CREB1: variants seen among roughly 807,000 people sequenced by gnomAD.
CREB1 encodes the protein cyclic AMP-responsive element-binding protein 1.
In CREB1, 2 loss-of-function variants were observed where a neutral mutation model predicts 42.0. The observed-to-expected ratio is 0.05, with a 90% CI of 0.02 to 0.15. The LOEUF is 0.15. Ranked by LOEUF, CREB1 falls within the 10% of genes least tolerant of loss-of-function variation. The probability of loss-of-function intolerance (pLI) is 1.00; values close to 1 mark genes in which losing one functional copy is unlikely to be tolerated. For missense variants in CREB1, 199 were observed against 388.9 expected (o/e 0.51, Z 4.11); for synonymous variants, 123 against 139.9 (o/e 0.88, Z 0.85).
Position 207,605,088 on chromosome 2 carries a change from G to A in CREB1, c.*8030G>A, listed in dbSNP as rs2087866368. Among the ~76,000 whole-genome samples the A allele has an allele frequency of 2.6e-5, 4 of 152,152 alleles. No individual in the cohort carries two copies. ...TTCAATTATTTGGGGTATATGCCTG[G>A]GAGTGGAGTTGCTGGGTCATGTTGA... On this transcript the variant is annotated 3_prime_UTR_variant, in exon 8 of 8. Transcript: ENST00000353267.
chr2:207,548,119 G>A (rs1189182122), intron 1 of CREB1, among the ~76,000 whole-genome samples: 3 of 152,004 alleles, frequency 2.0e-5, no homozygotes, highest in Admixed American at 1.3e-4. Context: ...TTTTAGTAGA[G>A]ACGGGGTTTC....
intron 7 of CREB1, among the ~76,000 whole-genome samples, chr2:207,591,025 A>G (rs980270298): frequency 3.3e-5 from 5 of 152,184 alleles, no homozygotes; most frequent in African/African-American, 9.6e-5. Flanking sequence ...ATAATCGAGG[A>G]TCTTCCCAGG....
chr2:207,570,409 A>G, intron 5 of CREB1, 88 bp downstream of exon 5: 4 of 1,280,246 alleles, frequency 3.1e-6, no homozygotes, highest in Non-Finnish European at 3.2e-6. Context: ...AGAGAAACCA[A>G]TACAAGTGCC....
chr2:207,532,639 C>G (rs906694233), intron 1 of CREB1, among the ~76,000 whole-genome samples: 3 of 151,596 alleles, frequency 2.0e-5, no homozygotes, highest in Non-Finnish European at 4.4e-5. Context: ...CGCCACTGCC[C>G]TCCAGCCTGG....
chr2:207,534,377 C>G (rs1284114119), intron 1 of CREB1, among the ~76,000 whole-genome samples: 2 of 152,214 alleles, frequency 1.3e-5, no homozygotes. Flanking sequence ...GCTGGAACTA[C>G]AGGCATGCAC....
chr2:207,531,551 T>C (rs1197042007), intron 1 of CREB1, among the ~76,000 whole-genome samples: 3 of 152,254 alleles, frequency 2.0e-5, no homozygotes, highest in Non-Finnish European at 4.4e-5. Context: ...TCTCAAGTTA[T>C]AATTCTAACC....
chr2:207,538,906 C>G (rs938256800), intron 1 of CREB1, among the ~76,000 whole-genome samples: 1 of 152,026 alleles, frequency 6.6e-6, no homozygotes, highest in Non-Finnish European at 1.5e-5. Flanking sequence ...TGTAATTTAC[C>G]CAAGGTTAAA....
At chr2:207,540,231 G>A (rs2081039523) in intron 1 of CREB1, among the ~76,000 whole-genome samples, 1 of 152,206 alleles carries the variant, frequency 6.6e-6, no homozygotes, top group Non-Finnish European at 1.5e-5. Flanking sequence ...CCATGCATGT[G>A]ATTGCCCCTT....
chr2:207,602,671 T>C lies in CREB1; in HGVS notation c.*5613T>C, dbSNP rs1158168704. 1.4e-5 allele frequency: 3 copies of C among 210,078 alleles called. No homozygotes were observed. Among genetic ancestry groups the C allele is most frequent in the Non-Finnish European group, 1.9e-5 (2 of 103,384 alleles). The allele number at this position is 210,078 out of a possible 1,614,324, so 13.0% of individuals were successfully genotyped here. Reference sequence around the variant, plus strand: ...GTGTTTGGGAGGTTTTATTTTCTTATGTTTTTAAAATTGGTAAATGCTTTA... The same window carrying C: ...GTGTTTGGGAGGTTTTATTTTCTTACGTTTTTAAAATTGGTAAATGCTTTA... On this transcript the variant is annotated 3_prime_UTR_variant, in exon 8 of 8. Transcript: ENST00000353267.
At chr2:207,567,694 T>G (rs941430761) in intron 4 of CREB1, 131 bp downstream of exon 4, 10 of 542,542 alleles carry the variant, frequency 1.8e-5, no homozygotes, top group Non-Finnish European at 3.3e-6. Context: ...TCTTGAGTTA[T>G]TTGTCTCAAA....
chr2:207,560,087 G>A (rs547140809), intron 2 of CREB1, 139 bp from the exon 3 acceptor site: 1 of 659,388 alleles, frequency 1.5e-6, no homozygotes, highest in African/African-American at 1.8e-5. Context: ...ATTAAATTTA[G>A]TCATTACTTT....
At chr2:207,550,718 G>A (rs1482335235) in intron 1 of CREB1, 1 of 152,154 alleles carries the variant, frequency 6.6e-6, no homozygotes, top group East Asian at 1.9e-4. Context: ...TAGGTAGTCA[G>A]GTAAGGAAAC....
In CREB1 at chr2:207,566,599, G is replaced by GT. The variant is rs538901205; in HGVS notation, c.262-863dup. Among the ~76,000 whole-genome samples, 23 of 152,266 alleles carry GT rather than the reference G, an allele frequency of 1.5e-4. No individual in the cohort carries two copies. In the East Asian group the frequency reaches 4.1e-3, roughly 27 times the overall value. ...TGGAACCACCAGGATTTTGATGCTG[G>GT]TAAGGATGTCTAAAATGGAGGTTAA... On this transcript the variant is annotated intron_variant, in intron 3 of 7. Transcript: ENST00000353267.
chr2:207,570,054 A>C (rs1443373803), intron 4 of CREB1, 125 bp from the exon 5 acceptor site: 1 of 659,010 alleles, frequency 1.5e-6, no homozygotes, highest in Non-Finnish European at 2.3e-6. Context: ...AAAAAAAAAA[A>C]AAAAAAAACC....
intron 7 of CREB1, chr2:207,582,951 CT>C (rs1255314901): frequency 5.8e-6 from 1 of 172,104 alleles, no homozygotes; most frequent in African/African-American, 2.4e-5. Context: ...ACACATACAC[CT>C]TCATATATGC....
Position 207,597,235 on chromosome 2 carries a change from C to T in CREB1, c.*177C>T, listed in dbSNP as rs561431993. On this transcript the variant is annotated 3_prime_UTR_variant, in exon 8 of 8. Transcript: ENST00000353267. Reference sequence around the variant, plus strand: ...CTTTTGCATTAAACTGTGAATGTTCCAACACCTGCCTCCACTTCTCCCCTC... The same window carrying T: ...CTTTTGCATTAAACTGTGAATGTTCTAACACCTGCCTCCACTTCTCCCCTC... 1.7e-6 allele frequency: 1 copy of T among 592,240 alleles called. No homozygotes were observed. Among genetic ancestry groups the T allele is most frequent in the East Asian group, 3.5e-5 (1 of 28,810 alleles). 36.7% of individuals were successfully genotyped at this position (592,240 alleles called of 1,614,324 possible). A position where few individuals can be genotyped will look rare whatever the true frequency, so the allele number is the denominator to read the frequency against.
intron 3 of CREB1, among the ~76,000 whole-genome samples, chr2:207,564,944 G>A (rs531995339): frequency 2.6e-5 from 4 of 152,102 alleles, no homozygotes; most frequent in Admixed American, 2.6e-4. Context: ...TTATAATTGG[G>A]ATATAATTTT....
intron 7 of CREB1, among the ~76,000 whole-genome samples, chr2:207,583,968 A>G (rs2083378904): frequency 6.6e-6 from 1 of 152,216 alleles, no homozygotes; most frequent in South Asian, 2.1e-4. Flanking sequence ...TTCATCTAGC[A>G]AAATGCATTT....
Position 207,605,210 on chromosome 2 carries a change from C to T in CREB1, c.*8152C>T, listed in dbSNP as rs929102023. Among the ~76,000 whole-genome samples the T allele has an allele frequency of 1.3e-5, 2 of 152,218 alleles. No individual in the cohort carries two copies. Among genetic ancestry groups the T allele is most frequent in the Non-Finnish European group, 2.9e-5 (2 of 68,034 alleles). On this transcript the variant is annotated 3_prime_UTR_variant, in exon 8 of 8. Transcript: ENST00000353267. The stretch of plus-strand genomic sequence containing the variant: ...TTGATGTATGAGGGTTCCAATTTCT[C>T]CACACCTTCACCAACACTTATTTTG...
Sources: allele counts gnomAD v4.1 joint callset (sites outside exome capture counted in the v4.1 genomes callset), GRCh38; gene constraint gnomAD v4.1.1; transcripts MANE v1.5; gene names NCBI Gene and HGNC (gene_info 2026-07-23, HGNC 2026-07-21).